FRMPD2: variants seen among roughly 807,000 people sequenced by gnomAD.
FRMPD2 encodes the protein FERM and PDZ domain-containing protein 2.
A neutral mutation model predicts 140.1 loss-of-function variants in FRMPD2; 96 were observed. The ratio of observed to expected loss-of-function variants is 0.69; its 90% CI spans 0.58 to 0.81. The LOEUF is 0.81. FRMPD2 is among the 40% of genes least tolerant of loss of function. The pLI is 0.00. For synonymous variants in FRMPD2, 449 were observed against 547.6 expected (o/e 0.82, Z 2.52); for missense variants, 1,240 against 1,447.4 (o/e 0.86, Z 2.32).
intron 10 of FRMPD2, among the ~76,000 whole-genome samples, chr10:48,226,075 T>C (rs1293322618): frequency 6.6e-6 from 1 of 152,184 alleles, no homozygotes; most frequent in African/African-American, 2.4e-5. Context: ...TTTAAGCTTA[T>C]GGACAAATTA....
chr10:48,201,322 T>C lies in FRMPD2; in HGVS notation c.1860A>G (p.Ser620=). 1 of 1,613,944 alleles carries C rather than the reference T, an allele frequency of 6.2e-7. No individual in the cohort carries two copies. The highest frequency in any genetic ancestry group is 1.1e-5 in the South Asian group (1 of 91,066). The change falls in exon 15 of 29, where the codon TCA becomes TCG. Residue 620 remains serine (S), a synonymous_variant. Coordinates refer to ENST00000374201, the MANE Select transcript of FRMPD2 (RefSeq NM_001018071.4). The part of the protein sequence containing the change: ...TGKKHTFVTD[S]AKTSKYLLDL... ...CCAGTAAGTATTTACTGGTCTTGGC[T>C]GAATCTGTGACAAATGTGTGCTTCT...
intron 16 of FRMPD2, 73 bp downstream of exon 16, chr10:48,192,611 C>A: frequency 7.6e-7 from 1 of 1,321,230 alleles, no homozygotes; most frequent in African/African-American, 1.5e-5. Flanking sequence ...TAAAATAAAT[C>A]TTCAGTACAG....
intron 4 of FRMPD2, among the ~76,000 whole-genome samples, chr10:48,242,730 T>C: frequency 6.6e-6 from 1 of 152,226 alleles, no homozygotes; most frequent in Admixed American, 6.5e-5. Context: ...AGCTTGTCAT[T>C]GTATCCAATC....
chr10:48,225,992 G>T (rs2131911848), intron 10 of FRMPD2, among the ~76,000 whole-genome samples: 1 of 152,142 alleles, frequency 6.6e-6, no homozygotes, highest in Non-Finnish European at 1.5e-5. Flanking sequence ...TACTCTTTTG[G>T]GGTTGGTTGT....
At chr10:48,254,662 C>G (rs1840453908) in intron 1 of FRMPD2, among the ~76,000 whole-genome samples, 1 of 152,238 alleles carries the variant, frequency 6.6e-6, no homozygotes, top group Admixed American at 6.5e-5. Context: ...AGGCACTGTT[C>G]AGAGTGCTTT....
At chr10:48,259,860 G>A (rs772210439) in intron 1 of FRMPD2, among the ~76,000 whole-genome samples, 63 of 152,026 alleles carry the variant, frequency 4.1e-4, no homozygotes, top group Non-Finnish European at 7.4e-4. Context: ...TTCTACTTAA[G>A]AAGGAGTTTC....
At chr10:48,173,641 A>G (rs1281680580) in intron 24 of FRMPD2, among the ~76,000 whole-genome samples, 1 of 152,182 alleles carries the variant, frequency 6.6e-6, no homozygotes, top group Non-Finnish European at 1.5e-5. Context: ...GTCTAAGACA[A>G]AAACTGAACA....
chr10:48,245,485 G>C (rs777603383), intron 3 of FRMPD2, among the ~76,000 whole-genome samples: 2 of 152,184 alleles, frequency 1.3e-5, no homozygotes, highest in African/African-American at 2.4e-5. Context: ...TGACATCTCT[G>C]ACCCTCAGTT....
At chr10:48,232,322 AT>A in intron 9 of FRMPD2, 33 bp from the exon 10 acceptor site, 1 of 1,500,796 alleles carries the variant, frequency 6.7e-7, no homozygotes, top group Non-Finnish European at 9.1e-7. Flanking sequence ...TTATACTACA[AT>A]TATAAGTCAT....
chr10:48,215,245 G>A (rs1588834546), intron 12 of FRMPD2, among the ~76,000 whole-genome samples: 1 of 152,242 alleles, frequency 6.6e-6, no homozygotes, highest in East Asian at 1.9e-4. Context: ...AGATATAACA[G>A]GTGGCCCCCA....
chr10:48,161,295 G>T (rs1318438450), intron 28 of FRMPD2, among the ~76,000 whole-genome samples: 12 of 150,522 alleles, frequency 8.0e-5, no homozygotes, highest in Non-Finnish European at 1.8e-4. Context: ...AAGAATGACA[G>T]ATTTTGGACA....
Position 48,266,798 on chromosome 10 carries a change from C to T in FRMPD2, c.25+7745G>A, listed in dbSNP as rs115775846. Reference sequence around the variant, plus strand: ...CTGGTGATAACAAGATGCCCCTTGGCCTCCCCACGGGGGTGGTGCCAGGGA... The same window carrying T: ...CTGGTGATAACAAGATGCCCCTTGGTCTCCCCACGGGGGTGGTGCCAGGGA... On this transcript the variant is annotated intron_variant, in intron 1 of 28. Transcript: ENST00000374201. Among the ~76,000 whole-genome samples, 865 of 152,332 alleles carry T rather than the reference C, an allele frequency of 5.7e-3. 7 individuals carry two copies. The highest frequency in any genetic ancestry group is 0.019 in the African/African-American group (797 of 41,564).
At chr10:48,250,822 A>T (rs1840361351) in intron 2 of FRMPD2, among the ~76,000 whole-genome samples, 2 of 110,454 alleles carry the variant, frequency 1.8e-5, no homozygotes, top group South Asian at 3.0e-4. Context: ...TTTTGAGATG[A>T]GTCTTGCTCT....
intron 4 of FRMPD2, 103 bp downstream of exon 4, chr10:48,244,681 G>A: frequency 1.2e-6 from 1 of 832,984 alleles, no homozygotes; most frequent in East Asian, 2.5e-5. Context: ...ACGGGAGAGT[G>A]GCATTATGTG....
intron 1 of FRMPD2, among the ~76,000 whole-genome samples, chr10:48,270,618 C>A (rs1362382293): frequency 6.6e-6 from 1 of 152,078 alleles, no homozygotes; most frequent in Non-Finnish European, 1.5e-5. Flanking sequence ...AGCTCAGACC[C>A]GTTTCTTGAG....
At chr10:48,245,076 G>A (rs756470179) in intron 3 of FRMPD2, among the ~76,000 whole-genome samples, 29 of 152,190 alleles carry the variant, frequency 1.9e-4, no homozygotes, top group Non-Finnish European at 3.1e-4. Flanking sequence ...AAAGGCGTGA[G>A]AGAAATCTGT....
intron 1 of FRMPD2, among the ~76,000 whole-genome samples, chr10:48,258,496 C>T (rs1840525996): frequency 6.6e-6 from 1 of 152,192 alleles, no homozygotes; most frequent in Non-Finnish European, 1.5e-5. Context: ...CTCATTTACC[C>T]ATCTACAAAA....
chr10:48,274,544 TG>T lies in FRMPD2; in HGVS notation c.23del (p.Ala8GlufsTer3). The T allele has an allele frequency of 4.3e-6, 7 of 1,614,100 alleles. No individual in the cohort carries two copies. Among genetic ancestry groups the T allele is most frequent in the Non-Finnish European group, 5.9e-6 (7 of 1,179,922 alleles). On this transcript the variant is annotated frameshift_variant and splice_region_variant, in exon 1 of 29. Coordinates refer to ENST00000374201, the MANE Select transcript of FRMPD2 (RefSeq NM_001018071.4). LOFTEE classifies it high-confidence loss of function. MQPLTKD[A>X]GMSLSSVTLA... ...AAACTGAATGATGCCAAGGAATACC[TG>T]CGTCCTTCGTTAAAGGCTGCATCCA...
At chr10:48,232,798 C>G (rs1001974955) in intron 9 of FRMPD2, among the ~76,000 whole-genome samples, 1 of 152,200 alleles carries the variant, frequency 6.6e-6, no homozygotes, top group Non-Finnish European at 1.5e-5. Flanking sequence ...AAGGGGATTA[C>G]CTAGACTCTA....
Sources: gnomAD v4.1 joint callset for allele counts (sites outside exome capture counted in the v4.1 genomes callset) on GRCh38, gnomAD v4.1.1 for gene constraint, MANE v1.5 for transcripts, NCBI Gene and HGNC (gene_info 2026-07-23, HGNC 2026-07-21) for gene names.